Variants in SOBP observed in about 807,000 individuals in gnomAD.
SOBP encodes sine oculis binding protein homolog.
A neutral mutation model predicts 53.6 loss-of-function variants in SOBP; 4 were observed. The observed-to-expected ratio is 0.07, with a 90% CI of 0.04 to 0.17. SOBP has a LOEUF of 0.17. Among genes scored for constraint, SOBP ranks in the 10% least tolerant of loss-of-function variants. The pLI, the probability that SOBP is intolerant of heterozygous loss-of-function variation, is 1.00. For missense variants in SOBP, 1,088 were observed against 1,204.7 expected (o/e 0.90, Z 1.43); for synonymous variants, 584 against 522.6 (o/e 1.12, Z -1.60).
chr6:107,631,131 A>G (rs148522442), intron 5 of SOBP, among the ~76,000 whole-genome samples: 3 of 152,280 alleles, frequency 2.0e-5, no homozygotes, highest in Admixed American at 2.0e-4. Flanking sequence ...GGAAACAGGA[A>G]TCCTTTGGAG....
chr6:107,496,203 A>G (rs1462830766), intron 1 of SOBP, among the ~76,000 whole-genome samples: 1 of 152,152 alleles, frequency 6.6e-6, no homozygotes, highest in Non-Finnish European at 1.5e-5. Context: ...ACAATGTAAC[A>G]AGTCTTGGTG....
At chr6:107,600,183 A>T (rs2115081675) in intron 5 of SOBP, among the ~76,000 whole-genome samples, 1 of 152,352 alleles carries the variant, frequency 6.6e-6, no homozygotes, top group South Asian at 2.1e-4. Context: ...GCTTTCTAAA[A>T]TTACAATGTG....
At chr6:107,526,753 G>A (rs758491043) in intron 3 of SOBP, among the ~76,000 whole-genome samples, 16 of 152,110 alleles carry the variant, frequency 1.1e-4, no homozygotes, top group East Asian at 1.9e-4. Context: ...AGAATGTTCC[G>A]TTAGAAAATT....
At chr6:107,573,695 T>C (rs1785143085) in intron 4 of SOBP, among the ~76,000 whole-genome samples, 1 of 152,248 alleles carries the variant, frequency 6.6e-6, no homozygotes, top group African/African-American at 2.4e-5. Flanking sequence ...TCACTTTTTC[T>C]TGCTTTTTAC....
At chr6:107,566,653 A>G (rs1053742001) in intron 4 of SOBP, among the ~76,000 whole-genome samples, 6 of 152,146 alleles carry the variant, frequency 3.9e-5, no homozygotes, top group South Asian at 2.1e-4. Flanking sequence ...TTGCATCCCT[A>G]TAGCTCATGG....
Position 107,606,777 on chromosome 6 carries a change from T to C in SOBP, c.669+19602T>C, listed in dbSNP as rs1450073679. Among the ~76,000 whole-genome samples, 4 of 152,334 alleles carry C rather than the reference T, an allele frequency of 2.6e-5. No homozygotes were observed. The East Asian group carries it at 7.7e-4, about 29-fold the overall frequency. On this transcript the variant is annotated intron_variant, in intron 5 of 6. Transcript: ENST00000317357. The stretch of plus-strand genomic sequence containing the variant: ...CCTACAGGAGCAGGAGAGGCTGGAC[T>C]TGACTGGCCTCCCTCTGCTCAGGCA...
chr6:107,650,360 A>G (rs1404839178), intron 6 of SOBP, among the ~76,000 whole-genome samples: 1 of 152,206 alleles, frequency 6.6e-6, no homozygotes, highest in Non-Finnish European at 1.5e-5. Flanking sequence ...TTGCAGGCAT[A>G]TCTCACTTTA....
At chr6:107,554,756 G>A (rs1054583029) in intron 4 of SOBP, among the ~76,000 whole-genome samples, 1 of 152,094 alleles carries the variant, frequency 6.6e-6, no homozygotes, top group African/African-American at 2.4e-5. Context: ...TGGAAAAAAC[G>A]CATCATCATT....
At chr6:107,646,414 C>T (rs2115169941) in intron 6 of SOBP, among the ~76,000 whole-genome samples, 1 of 152,336 alleles carries the variant, frequency 6.6e-6, no homozygotes, top group African/African-American at 2.4e-5. Context: ...CCCTTCTGAC[C>T]AACCAGCAGC....
intron 5 of SOBP, among the ~76,000 whole-genome samples, chr6:107,609,710 G>A (rs939565478): frequency 6.6e-6 from 1 of 152,078 alleles, no homozygotes; most frequent in Non-Finnish European, 1.5e-5. Flanking sequence ...TATGCATAAG[G>A]AGTCCTAAAT....
At chr6:107,491,318 C>G (rs1583133322) in intron 1 of SOBP, among the ~76,000 whole-genome samples, 1 of 152,216 alleles carries the variant, frequency 6.6e-6, no homozygotes, top group Non-Finnish European at 1.5e-5. Flanking sequence ...GCCTCCGCCT[C>G]CCGCTCGCCT....
intron 3 of SOBP, among the ~76,000 whole-genome samples, chr6:107,527,711 C>G (rs1309983595): frequency 2.0e-5 from 3 of 152,212 alleles, no homozygotes; most frequent in Non-Finnish European, 2.9e-5. Context: ...GGTCCTCTGT[C>G]TCCATCTCTG....
intron 3 of SOBP, among the ~76,000 whole-genome samples, chr6:107,520,923 T>A (rs544226291): frequency 8.0e-4 from 122 of 152,162 alleles, no homozygotes; most frequent in East Asian, 3.9e-4. Context: ...CACAGACCTG[T>A]CATCACTGTG....
At chr6:107,521,909 AACACACACACACACACACACACACACAC>A (rs34004579) in intron 3 of SOBP, among the ~76,000 whole-genome samples, 4 of 139,368 alleles carry the variant, frequency 2.9e-5, no homozygotes, top group Admixed American at 7.1e-5. Flanking sequence ...CAGACATTAA[AACACACACACACACACACACACACACAC>A]ACACACACAC....
rs1260397922 is a variant in SOBP at position 107,632,321 on chromosome 6, G to GC, written c.670-1193_670-1192insC. On this transcript the variant is annotated intron_variant, in intron 5 of 6. Coordinates refer to ENST00000317357, the MANE Select transcript of SOBP (RefSeq NM_018013.4). ...TATATGGCTTGAGTGCTGAGAAAAT[G>GC]GCCCCCCCCCAAAAAAAAGGAAAAA... Among the ~76,000 whole-genome samples, 337 of 147,510 alleles carry GC rather than the reference G, an allele frequency of 2.3e-3. 3 individuals carry two copies. The highest frequency in any genetic ancestry group is 5.7e-3 in the African/African-American group (221 of 38,882).
intron 5 of SOBP, among the ~76,000 whole-genome samples, chr6:107,618,444 T>A (rs1786878217): frequency 6.6e-6 from 1 of 152,164 alleles, no homozygotes; most frequent in East Asian, 1.9e-4. Flanking sequence ...TGGATAAGGC[T>A]GAATTTGCGC....
chr6:107,593,353 G>A (rs1785827961), intron 5 of SOBP, among the ~76,000 whole-genome samples: 1 of 152,168 alleles, frequency 6.6e-6, no homozygotes, highest in Admixed American at 6.5e-5. Flanking sequence ...AGAGCATGGG[G>A]GATCTTTGCC....
intron 6 of SOBP, among the ~76,000 whole-genome samples, chr6:107,651,299 G>A (rs536319748): frequency 6.6e-6 from 1 of 152,248 alleles, no homozygotes; most frequent in South Asian, 2.1e-4. Flanking sequence ...CTCCAGTGAA[G>A]ACACAAATGA....
At chr6:107,574,949 G>C (rs868533955) in intron 4 of SOBP, among the ~76,000 whole-genome samples, 14 of 152,218 alleles carry the variant, frequency 9.2e-5, no homozygotes, top group African/African-American at 3.4e-4. Flanking sequence ...GACCTGCAAG[G>C]ATGTGAGGGT....
Sources: gnomAD v4.1 joint callset for allele counts (sites outside exome capture counted in the v4.1 genomes callset) on GRCh38, gnomAD v4.1.1 for gene constraint, MANE v1.5 for transcripts, NCBI Gene and HGNC (gene_info 2026-07-23, HGNC 2026-07-21) for gene names.